The following GPM6A variants were observed in gnomAD, a reference collection of about 807,000 sequenced individuals.
GPM6A encodes the protein neuronal membrane glycoprotein M6-a.
A neutral mutation model predicts 32.1 loss-of-function variants in GPM6A; 7 were observed. That is an observed-to-expected ratio of 0.22 (90% CI 0.12 to 0.41). GPM6A has a LOEUF of 0.41. GPM6A is among the 10% of genes least tolerant of loss of function. The pLI is 1.00. For missense variants in GPM6A, 235 were observed against 347.2 expected (o/e 0.68, Z 2.57); for synonymous variants, 130 against 123.4 (o/e 1.05, Z -0.35).
intron 1 of GPM6A, among the ~76,000 whole-genome samples, chr4:175,753,735 G>A (rs1358961663): frequency 6.6e-6 from 1 of 152,008 alleles, no homozygotes; most frequent in Non-Finnish European, 1.5e-5. Context: ...AACCCAGCAT[G>A]CACACAATTT....
intron 1 of GPM6A, among the ~76,000 whole-genome samples, chr4:175,857,489 T>C (rs1736451088): frequency 6.6e-6 from 1 of 151,868 alleles, no homozygotes; most frequent in African/African-American, 2.4e-5. Context: ...AATGCAAGCA[T>C]AAAAATCAAT....
At chr4:175,918,139 G>T (rs1437824538) in intron 1 of GPM6A, among the ~76,000 whole-genome samples, 3 of 151,270 alleles carry the variant, frequency 2.0e-5, no homozygotes, top group African/African-American at 7.3e-5. Flanking sequence ...ACCTGAGATT[G>T]AACATGGACA....
intron 1 of GPM6A, among the ~76,000 whole-genome samples, chr4:175,704,312 CTCTT>C (rs144578853): frequency 0.045 from 6,751 of 150,902 alleles, 185 homozygotes; most frequent in South Asian, 0.13. Context: ...ACACATCTCT[CTCTT>C]TCTCTCACAC....
At chr4:175,920,840 C>CAA (rs111395503) in intron 1 of GPM6A, among the ~76,000 whole-genome samples, 18,828 of 127,578 alleles carry the variant, frequency 0.15, 1,253 homozygotes, top group South Asian at 0.27. Flanking sequence ...GAATCTGTCT[C>CAA]AAAAAAAAAA....
intron 1 of GPM6A, among the ~76,000 whole-genome samples, chr4:175,749,220 C>A (rs1320409806): frequency 1.3e-5 from 2 of 151,860 alleles, no homozygotes; most frequent in Non-Finnish European, 1.5e-5. Flanking sequence ...AAGGTAATGG[C>A]AAAAACTGCA....
At chr4:175,695,465 C>T (rs1021908275) in intron 2 of GPM6A, among the ~76,000 whole-genome samples, 4 of 152,132 alleles carry the variant, frequency 2.6e-5, no homozygotes, top group Admixed American at 6.5e-5. Flanking sequence ...ATGTGAGACA[C>T]GAAGTCAAAG....
chr4:175,779,848 GAAT>G (rs1279987849), intron 1 of GPM6A, among the ~76,000 whole-genome samples: 1 of 152,038 alleles, frequency 6.6e-6, no homozygotes, highest in Non-Finnish European at 1.5e-5. Flanking sequence ...GGAGATAAGA[GAAT>G]AATAACTATA....
At chr4:175,785,701 A>C (rs1400548256) in intron 1 of GPM6A, among the ~76,000 whole-genome samples, 1 of 152,216 alleles carries the variant, frequency 6.6e-6, no homozygotes, top group Non-Finnish European at 1.5e-5. Flanking sequence ...GAATAATTCT[A>C]CTAAAAGACA....
intron 1 of GPM6A, among the ~76,000 whole-genome samples, chr4:175,954,926 G>A (rs781760697): frequency 1.3e-5 from 2 of 152,196 alleles, no homozygotes; most frequent in South Asian, 2.1e-4. Context: ...TACTACAGGC[G>A]CTGTGAGGGC....
At chr4:175,851,092 C>T (rs915938276) in intron 1 of GPM6A, among the ~76,000 whole-genome samples, 1 of 152,124 alleles carries the variant, frequency 6.6e-6, no homozygotes, top group African/African-American at 2.4e-5. Flanking sequence ...GGCATGGTGG[C>T]TCATGCCTGT....
intron 1 of GPM6A, among the ~76,000 whole-genome samples, chr4:175,721,178 A>C (rs1746115096): frequency 1.1e-5 from 1 of 94,654 alleles, no homozygotes; most frequent in African/African-American, 2.8e-5. Flanking sequence ...TTCTATTTTT[A>C]AAAAGGCAAG....
At chr4:175,962,164 A>G in intron 1 of GPM6A, 5 of 928,696 alleles carry the variant, frequency 5.4e-6, no homozygotes, top group Non-Finnish European at 8.9e-6. Context: ...CATCAACCCA[A>G]GGTGATCGAG....
intron 1 of GPM6A, among the ~76,000 whole-genome samples, chr4:175,750,389 G>T (rs1429152116): frequency 1.3e-5 from 2 of 152,022 alleles, no homozygotes; most frequent in East Asian, 3.9e-4. Flanking sequence ...CCAAAGCATG[G>T]ACCTTGAGAC....
At chr4:175,772,933 C>T (rs1560925187) in intron 1 of GPM6A, among the ~76,000 whole-genome samples, 2 of 152,178 alleles carry the variant, frequency 1.3e-5, no homozygotes, top group Admixed American at 6.5e-5. Flanking sequence ...TTCCTCTGGA[C>T]CCCCTTGGTC....
In GPM6A at chr4:175,702,549, C is replaced by G. The variant is rs1183005394; in HGVS notation, c.38-782G>C. Among the ~76,000 whole-genome samples, 6 of 152,240 alleles carry G rather than the reference C, an allele frequency of 3.9e-5. No homozygotes were observed. The East Asian group carries it at 9.7e-4, about 24-fold the overall frequency. On this transcript the variant is annotated intron_variant, in intron 1 of 6. Transcript: ENST00000393658. Reference sequence around the variant, plus strand: ...TCCTTTATTGAGACAGAGTCTGGCTCTGTTGCCCAGGTTGGAGTGCAGCGG... The same window carrying G: ...TCCTTTATTGAGACAGAGTCTGGCTGTGTTGCCCAGGTTGGAGTGCAGCGG...
chr4:175,676,542 T>C (rs1026261028), intron 2 of GPM6A, among the ~76,000 whole-genome samples: 6 of 152,158 alleles, frequency 3.9e-5, no homozygotes, highest in African/African-American at 9.7e-5. Context: ...TGAACCATAG[T>C]TCGAAACCAG....
chr4:175,634,839 G>A lies in GPM6A; in HGVS notation c.*66C>T. The A allele has an allele frequency of 7.3e-7, 1 of 1,361,534 alleles. No individual in the cohort carries two copies. Among genetic ancestry groups the A allele is most frequent in the South Asian group, 1.2e-5 (1 of 82,714 alleles). 84.3% of individuals were successfully genotyped at this position (1,361,534 alleles called of 1,614,324 possible). On this transcript the variant is annotated 3_prime_UTR_variant, in exon 7 of 7. Transcript: ENST00000393658. ...CTTTCGTTTTGTTTTTTAAAGGTTG[G>A]ATGGTTGGATGGCCCTTAGTTAAAC...
At chr4:175,637,698 T>A (rs1299665147) in intron 6 of GPM6A, among the ~76,000 whole-genome samples, 1 of 1,790 alleles carries the variant, frequency 5.6e-4, no homozygotes, top group Non-Finnish European at 1.5e-3. Context: ...ATATAATATA[T>A]TATATATTAT....
intron 1 of GPM6A, among the ~76,000 whole-genome samples, chr4:175,989,911 C>T (rs1415105817): frequency 6.6e-6 from 1 of 152,130 alleles, no homozygotes; most frequent in African/African-American, 2.4e-5. Context: ...TAGCTTCCAA[C>T]GAAGGCCATG....
Sources: allele counts gnomAD v4.1 joint callset (sites outside exome capture counted in the v4.1 genomes callset), GRCh38; gene constraint gnomAD v4.1.1; transcripts MANE v1.5; gene names NCBI Gene and HGNC (gene_info 2026-07-23, HGNC 2026-07-21).